Variants in EFCAB13 observed in about 807,000 individuals in gnomAD.
EFCAB13 encodes the protein EF-hand calcium binding domain 13, also known as EF-hand calcium-binding domain-containing protein 13.
A neutral mutation model predicts 110.2 loss-of-function variants in EFCAB13; 91 were observed. The observed-to-expected ratio is 0.83, with a 90% CI of 0.70 to 0.98. The LOEUF is 0.98. EFCAB13 is among the 50% of genes least tolerant of loss of function. The pLI is 0.00. For synonymous variants in EFCAB13, 323 were observed against 369.9 expected (o/e 0.87, Z 1.45); for missense variants, 968 against 1,119.4 (o/e 0.86, Z 1.93).
chr17:47,388,390 CT>C (rs2143402100), intron 14 of EFCAB13, among the ~76,000 whole-genome samples: 1 of 152,256 alleles, frequency 6.6e-6, no homozygotes, highest in East Asian at 1.9e-4. Flanking sequence ...GAGATTTTCA[CT>C]TCTCTGTGCC....
chr17:47,439,722 C>A (rs1905280671), intron 24 of EFCAB13, among the ~76,000 whole-genome samples: 2 of 151,952 alleles, frequency 1.3e-5, no homozygotes, highest in Admixed American at 1.3e-4. Context: ...TTTTCTCTTG[C>A]TCCCCTAAGA....
At chr17:47,420,338 G>A (rs1404230988) in intron 23 of EFCAB13, among the ~76,000 whole-genome samples, 1 of 152,288 alleles carries the variant, frequency 6.6e-6, no homozygotes, top group Non-Finnish European at 1.5e-5. Flanking sequence ...CTCCCAAAGT[G>A]CCGAGATTGC....
At chr17:47,380,880 C>CTTTT (rs751480738) in intron 14 of EFCAB13, among the ~76,000 whole-genome samples, 5,310 of 122,624 alleles carry the variant, frequency 0.043, 142 homozygotes, top group East Asian at 0.084. Flanking sequence ...ATTGCTTCTT[C>CTTTT]TTTTTTTTTT....
intron 17 of EFCAB13, among the ~76,000 whole-genome samples, chr17:47,397,757 G>C (rs1189280521): frequency 2.0e-5 from 3 of 151,622 alleles, no homozygotes; most frequent in Non-Finnish European, 4.4e-5. Flanking sequence ...TCTGAGAAGT[G>C]AGGAGACCCT....
intron 10 of EFCAB13, among the ~76,000 whole-genome samples, chr17:47,362,051 C>T (rs1050319140): frequency 6.6e-6 from 1 of 152,018 alleles, no homozygotes; most frequent in Non-Finnish European, 1.5e-5. Context: ...TTGATTGATT[C>T]ATTTGTTTTA....
rs931705076 is a variant in EFCAB13 at position 47,361,591 on chromosome 17, A to G, written c.805+70A>G. ...TATATTTATACATTTTTTTCCGGAT[A>G]TCAATTTTGTGATCTGTCCTTTGCT... is the stretch of plus-strand genomic sequence containing the variant. On this transcript the variant is annotated intron_variant, in intron 10 of 24. Transcript: ENST00000331493. The G allele has an allele frequency of 5.2e-6, 7 of 1,345,534 alleles. No homozygotes were observed. In the African/African-American group the frequency reaches 1.0e-4, roughly 20 times the overall value. 83.3% of individuals were successfully genotyped at this position (1,345,534 alleles called of 1,614,324 possible).
chr17:47,408,140 T>G (rs2065814910), intron 20 of EFCAB13, among the ~76,000 whole-genome samples: 1 of 152,232 alleles, frequency 6.6e-6, no homozygotes, highest in Non-Finnish European at 1.5e-5. Context: ...TTTTGTAGCT[T>G]TCTGTTTTTG....
intron 9 of EFCAB13, among the ~76,000 whole-genome samples, chr17:47,352,650 A>G (rs1555578929): frequency 6.6e-6 from 1 of 152,152 alleles, no homozygotes; most frequent in African/African-American, 2.4e-5. Context: ...TGGAGATTGC[A>G]CTGAATCTGT....
rs997121847 is a variant in EFCAB13, at chr17:47,431,914, T to G, written c.2638+1953T>G. 6.6e-6 allele frequency among the ~76,000 whole-genome samples: 1 copy of G among 152,256 alleles called. No homozygotes were observed. The highest frequency in any genetic ancestry group is 2.4e-5 in the African/African-American group (1 of 41,466). ...ATTTGTCTACTTCTCCTTTTAATTC[T>G]GTCAGTGTTTGCTGTCTATAGTTTT... On this transcript the variant is annotated intron_variant, in intron 24 of 24. Transcript: ENST00000331493. This position sits in a 1 kb window ranked among gnomAD's most constrained non-coding sequence, Gnocchi z 4.1.
intron 12 of EFCAB13, among the ~76,000 whole-genome samples, chr17:47,375,277 C>T (rs1238072772): frequency 1.3e-5 from 2 of 151,960 alleles, no homozygotes; most frequent in Non-Finnish European, 2.9e-5. Context: ...GTGATTAATG[C>T]CACTGAATAG....
In EFCAB13 at chr17:47,374,385, A is replaced by G. The variant is rs575185613; in HGVS notation, c.878-87A>G. ...TTAAGAAACTGATAATTTCTTGAAT[A>G]GTTTTCATGAGGACTTAGTTGTTAT... On this transcript the variant is annotated intron_variant, in intron 11 of 24. Coordinates refer to ENST00000331493, the MANE Select transcript of EFCAB13 (RefSeq NM_152347.5). 7.9e-5 allele frequency: 89 copies of G among 1,129,730 alleles called. No individual in the cohort carries two copies. The South Asian group carries it at 9.7e-4, about 12-fold the overall frequency. 70.0% of individuals were successfully genotyped at this position (1,129,730 alleles called of 1,614,324 possible). A position where few individuals can be genotyped will look rare whatever the true frequency, so the allele number is the denominator to read the frequency against.
chr17:47,440,472 T>C lies in EFCAB13; in HGVS notation c.2680T>C (p.Ser894Pro). 1.9e-6 allele frequency: 3 copies of C among 1,606,374 alleles called. No homozygotes were observed. Among genetic ancestry groups the C allele is most frequent in the Non-Finnish European group, 2.5e-6 (3 of 1,177,624 alleles). The change falls in exon 25 of 25, where the codon TCC becomes CCC. Residue 894 changes from serine to proline, a missense_variant. By Grantham distance (74) the Ser-to-Pro change is moderately conservative. Transcript: ENST00000331493. ...CATTCAAGAATTTATGACTAAATTA[T>C]CCGATATATTGACAATTCCTAAAGC... ...VSIQEFMTKL[S>P]DILTIPKAAG...
rs919996040 is a variant in EFCAB13 at position 47,339,000 on chromosome 17, A to G, written c.192-2921A>G. On this transcript the variant is annotated intron_variant, in intron 5 of 24. Transcript: ENST00000331493. The stretch of plus-strand genomic sequence containing the variant: ...ATAATTTTGTCTATCAATTTAAAAT[A>G]AAATAAATAAATAAAATTGGAAAAA... Among the ~76,000 whole-genome samples, 72 of 152,158 alleles carry G rather than the reference A, an allele frequency of 4.7e-4. 1 individual carries two copies. The highest frequency in any genetic ancestry group is 1.6e-3 in the African/African-American group (67 of 41,466).
chr17:47,396,461 G>A (rs1190681583), intron 17 of EFCAB13, among the ~76,000 whole-genome samples: 2 of 151,848 alleles, frequency 1.3e-5, no homozygotes, highest in African/African-American at 2.4e-5. Context: ...AAAAAGTATT[G>A]TATAACAAAG....
intron 4 of EFCAB13, among the ~76,000 whole-genome samples, chr17:47,334,013 A>C (rs2065334985): frequency 1.3e-5 from 2 of 152,152 alleles, no homozygotes; most frequent in Non-Finnish European, 2.9e-5. Flanking sequence ...GAATCTGTAG[A>C]TATCATTGGA....
At chr17:47,348,046 A>G in intron 9 of EFCAB13, 95 bp downstream of exon 9, 1 of 1,018,958 alleles carries the variant, frequency 9.8e-7, no homozygotes, top group East Asian at 3.0e-5. Context: ...AAACCTTAAA[A>G]TATATTGTAA....
At chr17:47,429,474 G>T (rs566523278) in intron 23 of EFCAB13, among the ~76,000 whole-genome samples, 9 of 152,234 alleles carry the variant, frequency 5.9e-5, no homozygotes, top group African/African-American at 1.9e-4. Flanking sequence ...TCCCATCCCT[G>T]CCACTTACTG....
At chr17:47,419,969 C>G (rs150209919) in intron 23 of EFCAB13, among the ~76,000 whole-genome samples, 3,231 of 152,228 alleles carry the variant, frequency 0.021, 110 homozygotes, top group East Asian at 0.18. Context: ...CCCTCTCCCT[C>G]TCTTTCCACG....
At chr17:47,337,164 C>T (rs62074450) in intron 5 of EFCAB13, among the ~76,000 whole-genome samples, 5 of 152,116 alleles carry the variant, frequency 3.3e-5, no homozygotes, top group Admixed American at 6.5e-5. Context: ...AAAGGAAGGT[C>T]GTGGGAGGTT....
Sources: gnomAD v4.1 joint callset for allele counts (sites outside exome capture counted in the v4.1 genomes callset) on GRCh38, gnomAD v4.1.1 for gene constraint, Gnocchi (gnomAD v3.1) non-coding constraint, MANE v1.5 for transcripts, NCBI Gene and HGNC (gene_info 2026-07-23, HGNC 2026-07-21) for gene names.